The following TAFA5 variants were observed in gnomAD, a reference collection of about 807,000 sequenced individuals.
TAFA5 encodes the protein chemokine-like protein TAFA-5.
TAFA5 carries 6 observed loss-of-function variants against 15.3 expected under a neutral mutation model. That is an observed-to-expected ratio of 0.39 (90% CI 0.21 to 0.77). The LOEUF is 0.77. TAFA5 is among the 30% of genes least tolerant of loss of function. TAFA5 has a pLI of 0.41. For missense variants in TAFA5, 161 were observed against 193.1 expected, an observed-to-expected ratio of 0.83 and a Z score of 0.98; for synonymous variants, 103 against 80.7, an observed-to-expected ratio of 1.28 and a Z score of -1.48.
At chr22:48,637,382 T>G (rs1926488169) in intron 1 of TAFA5, among the ~76,000 whole-genome samples, 1 of 152,148 alleles carries the variant, frequency 6.6e-6, no homozygotes, top group African/African-American at 2.4e-5. Flanking sequence ...GCCCCGGAGC[T>G]CTGATGTCTC....
At chr22:48,680,029 G>A (rs1011418840) in intron 2 of TAFA5, among the ~76,000 whole-genome samples, 2 of 152,212 alleles carry the variant, frequency 1.3e-5, no homozygotes, top group East Asian at 1.9e-4. Context: ...CAGAGGCCTC[G>A]TGAGGCTGCA....
intron 1 of TAFA5, among the ~76,000 whole-genome samples, chr22:48,635,221 G>A (rs2147192943): frequency 6.6e-6 from 1 of 152,362 alleles, no homozygotes; most frequent in South Asian, 2.1e-4. Context: ...GCCAGCCAGG[G>A]CTGGGTCTGA....
At chr22:48,659,743 T>A (rs5771690) in intron 2 of TAFA5, among the ~76,000 whole-genome samples, 78,781 of 137,462 alleles carry the variant, frequency 0.57, 20,626 homozygotes, top group South Asian at 0.74. Flanking sequence ...CTGGCCTTTT[T>A]GGTGGGGCTT....
chr22:48,583,264 A>G (rs951646167), intron 1 of TAFA5, among the ~76,000 whole-genome samples: 8 of 150,976 alleles, frequency 5.3e-5, no homozygotes, highest in African/African-American at 1.7e-4. Flanking sequence ...CACACTATAC[A>G]CACACCACAC....
intron 1 of TAFA5, among the ~76,000 whole-genome samples, chr22:48,500,013 T>C (rs1053604851): frequency 1.3e-5 from 2 of 152,122 alleles, no homozygotes; most frequent in East Asian, 3.9e-4. Flanking sequence ...CAAAGCCACC[T>C]TCTGTTCCCT....
chr22:48,616,006 A>G (rs578213902), intron 1 of TAFA5, among the ~76,000 whole-genome samples: 45 of 152,288 alleles, frequency 3.0e-4, no homozygotes, highest in African/African-American at 9.4e-4. Context: ...CTTCTAGAAT[A>G]CAGCCAGGCA....
chr22:48,525,393 G>T (rs993037743), intron 1 of TAFA5, among the ~76,000 whole-genome samples: 9 of 152,178 alleles, frequency 5.9e-5, no homozygotes, highest in Non-Finnish European at 1.0e-4. Context: ...CCCGACAGGT[G>T]CCCGCTGCCT....
At chr22:48,723,573 C>T (rs765312145) in intron 3 of TAFA5, among the ~76,000 whole-genome samples, 80 of 152,324 alleles carry the variant, frequency 5.3e-4, no homozygotes, top group Non-Finnish European at 9.6e-4. Flanking sequence ...TCCAGGGATG[C>T]GGCCATTGTA....
At chr22:48,674,750 C>T (rs543794959) in intron 2 of TAFA5, among the ~76,000 whole-genome samples, 1 of 152,252 alleles carries the variant, frequency 6.6e-6, no homozygotes, top group South Asian at 2.1e-4. Context: ...CCCGTTGGGT[C>T]TGCAGTGTGA....
intron 1 of TAFA5, among the ~76,000 whole-genome samples, chr22:48,504,021 C>A (rs1028034781): frequency 3.3e-5 from 5 of 152,214 alleles, no homozygotes; most frequent in African/African-American, 1.2e-4. Context: ...TCATGCCTAA[C>A]CCAGGTTCCA....
intron 3 of TAFA5, among the ~76,000 whole-genome samples, chr22:48,724,065 A>G (rs1258659394): frequency 1.3e-5 from 2 of 151,708 alleles, no homozygotes; most frequent in African/African-American, 4.8e-5. Flanking sequence ...AGCAGGAGAG[A>G]CTCGGGGTTC....
intron 1 of TAFA5, among the ~76,000 whole-genome samples, chr22:48,594,014 G>A (rs1006145810): frequency 2.0e-5 from 3 of 152,184 alleles, no homozygotes; most frequent in African/African-American, 4.8e-5. Context: ...TATGGTTTCC[G>A]GGGAGACCCA....
intron 1 of TAFA5, among the ~76,000 whole-genome samples, chr22:48,547,875 T>G (rs972438137): frequency 3.3e-5 from 5 of 152,166 alleles, no homozygotes; most frequent in Non-Finnish European, 5.9e-5. Context: ...AATGTCACCG[T>G]TAACTATTGA....
chr22:48,630,567 A>G (rs905145805), intron 1 of TAFA5, among the ~76,000 whole-genome samples: 4 of 152,124 alleles, frequency 2.6e-5, no homozygotes, highest in African/African-American at 9.7e-5. Context: ...CTTACTACAC[A>G]GGTTCACGGG....
At chr22:48,582,508 T>C (rs386353763) in intron 1 of TAFA5, among the ~76,000 whole-genome samples, 932 of 39,180 alleles carry the variant, frequency 0.024, no homozygotes, top group African/African-American at 0.027. Flanking sequence ...CAAAATACAC[T>C]ACACACAAAA....
At chr22:48,685,851 G>A (rs1271054511) in intron 2 of TAFA5, among the ~76,000 whole-genome samples, 1 of 152,136 alleles carries the variant, frequency 6.6e-6, no homozygotes, top group African/African-American at 2.4e-5. Flanking sequence ...CCTTCCTTGT[G>A]GTTCCAGAAG....
chr22:48,587,727 C>T (rs1429941684), intron 1 of TAFA5, among the ~76,000 whole-genome samples: 1 of 152,230 alleles, frequency 6.6e-6, no homozygotes, highest in Non-Finnish European at 1.5e-5. Flanking sequence ...CCGGCCCTCA[C>T]ACACACCCTT....
At chr22:48,660,960 C>A (rs1432682950) in intron 2 of TAFA5, among the ~76,000 whole-genome samples, 1 of 151,772 alleles carries the variant, frequency 6.6e-6, no homozygotes, top group Non-Finnish European at 1.5e-5. Flanking sequence ...CGTGTCTCTT[C>A]GGGGGAAACT....
intron 1 of TAFA5, among the ~76,000 whole-genome samples, chr22:48,595,031 G>C (rs1463342174): frequency 6.6e-6 from 1 of 152,192 alleles, no homozygotes; most frequent in Admixed American, 6.5e-5. Context: ...AGCCAGGGTG[G>C]TTCTAGTTCT....
Sources: gnomAD v4.1 joint callset for allele counts (sites outside exome capture counted in the v4.1 genomes callset) on GRCh38, gnomAD v4.1.1 for gene constraint, MANE v1.5 for transcripts, NCBI Gene and HGNC (gene_info 2026-07-23, HGNC 2026-07-21) for gene names.